BSPH1: variants seen among roughly 807,000 people sequenced by gnomAD.
The protein encoded by BSPH1 is binder of sperm protein homolog 1.
BSPH1 carries 21 observed loss-of-function variants against 22.5 expected under a neutral mutation model. The ratio of observed to expected loss-of-function variants is 0.93; its 90% CI spans 0.66 to 1.35. The LOEUF (loss-of-function observed/expected upper bound fraction) is 1.35. Among genes scored for constraint, BSPH1 ranks in the 40% most tolerant of loss-of-function variants. BSPH1 has a pLI of 0.00. For synonymous variants in BSPH1, 42 were observed against 53.6 expected (o/e 0.78, Z 0.95); for missense variants, 141 against 154.2 (o/e 0.91, Z 0.45).
chr19:47,971,355 G>A (rs774609894), intron 5 of BSPH1, among the ~76,000 whole-genome samples: 8 of 152,258 alleles, frequency 5.3e-5, no homozygotes, highest in Non-Finnish European at 1.0e-4. Context: ...ACAGGCGCAT[G>A]CCACCAAGCC....
At chr19:47,987,794 C>G (rs1600093183) in intron 1 of BSPH1, among the ~76,000 whole-genome samples, 1 of 152,028 alleles carries the variant, frequency 6.6e-6, no homozygotes, top group African/African-American at 2.4e-5. Context: ...GAGTTTGAGA[C>G]CTGCCTGGGC....
Position 47,976,613 on chromosome 19 carries a change from C to G in BSPH1, c.*2+97G>C. ...AAAAAAAAACAAAAAAAAACCCTCTCTAATGAGAAAGGGTTCTCCTCTGCC... is the reference window on the plus strand; with the variant it reads ...AAAAAAAAACAAAAAAAAACCCTCTGTAATGAGAAAGGGTTCTCCTCTGCC... On this transcript the variant is annotated intron_variant, in intron 5 of 5. Coordinates refer to ENST00000344839, the MANE Select transcript of BSPH1 (RefSeq NM_001128326.2). The G allele has an allele frequency of 7.9e-6, 5 of 630,856 alleles. No homozygotes were observed. The East Asian group carries it at 1.4e-4, about 18-fold the overall frequency. The allele number at this position is 630,856 out of a possible 1,614,324, so 39.1% of individuals were successfully genotyped here.
intron 3 of BSPH1, among the ~76,000 whole-genome samples, chr19:47,978,683 C>T (rs1211854553): frequency 1.3e-5 from 2 of 152,194 alleles, no homozygotes; most frequent in Non-Finnish European, 2.9e-5. Context: ...CCTGAATTTT[C>T]ATTAGCACGA....
chr19:47,974,757 T>G (rs1969345751), intron 5 of BSPH1, among the ~76,000 whole-genome samples: 1 of 145,948 alleles, frequency 6.9e-6, no homozygotes. Context: ...CACTATTATC[T>G]ATAGTTTCCA....
At chr19:47,975,565 C>T (rs768740197) in intron 5 of BSPH1, among the ~76,000 whole-genome samples, 15 of 152,092 alleles carry the variant, frequency 9.9e-5, no homozygotes, top group Non-Finnish European at 1.9e-4. Flanking sequence ...GGTACTTTAT[C>T]TCCACACCTG....
chr19:47,976,938 C>T, intron 4 of BSPH1, 84 bp from the exon 5 acceptor site: 3 of 1,251,120 alleles, frequency 2.4e-6, no homozygotes, highest in Non-Finnish European at 3.3e-6. Context: ...CACACATGCA[C>T]ACATATGCAC....
chr19:47,981,067 A>T (rs981405105), intron 1 of BSPH1, 126 bp from the exon 2 acceptor site: 5 of 504,960 alleles, frequency 9.9e-6, no homozygotes, highest in Middle Eastern at 3.8e-4. Flanking sequence ...AGTTCAATAG[A>T]GCTTATTTTT....
intron 1 of BSPH1, among the ~76,000 whole-genome samples, chr19:47,987,621 A>C (rs1172611477): frequency 1.3e-5 from 2 of 152,112 alleles, no homozygotes; most frequent in Non-Finnish European, 2.9e-5. Context: ...TCCTGGGCTC[A>C]AGCAATCCTC....
intron 5 of BSPH1, among the ~76,000 whole-genome samples, chr19:47,971,997 T>A (rs1271714326): frequency 1.2e-5 from 1 of 83,726 alleles, no homozygotes; most frequent in East Asian, 3.1e-4. Flanking sequence ...TCATAGTCTT[T>A]GAAGAAAAAG....
chr19:47,969,455 G>C (rs1007037873), intron 5 of BSPH1, among the ~76,000 whole-genome samples: 1 of 152,144 alleles, frequency 6.6e-6, no homozygotes, highest in Non-Finnish European at 1.5e-5. Context: ...GTGTGTCAAT[G>C]ATGTATGGGG....
chr19:47,978,001 G>GATATATATATATAT (rs10609973), intron 3 of BSPH1, among the ~76,000 whole-genome samples: 2,642 of 109,888 alleles, frequency 0.024, 49 homozygotes, highest in African/African-American at 0.03. Flanking sequence ...GTTAATACAG[G>GATATATATATATAT]ATATATATAT....
In BSPH1 at chr19:47,972,125, C is replaced by T. The variant is rs973949492; in HGVS notation, c.*3-3916G>A. On this transcript the variant is annotated intron_variant, in intron 5 of 5. Coordinates refer to ENST00000344839, the MANE Select transcript of BSPH1 (RefSeq NM_001128326.2). ...CTCTATTAAATCGGAAGATAATTGGCACTTTCCTCGTCTTCAACATGTGTA... is the reference window on the plus strand; with the variant it reads ...CTCTATTAAATCGGAAGATAATTGGTACTTTCCTCGTCTTCAACATGTGTA... Among the ~76,000 whole-genome samples the T allele has an allele frequency of 5.9e-5, 9 of 152,258 alleles. No individual in the cohort carries two copies. The South Asian group carries it at 1.9e-3, about 32-fold the overall frequency.
At chr19:47,980,113 T>C (rs914759572) in intron 2 of BSPH1, among the ~76,000 whole-genome samples, 1 of 152,148 alleles carries the variant, frequency 6.6e-6, no homozygotes, top group Non-Finnish European at 1.5e-5. Flanking sequence ...TAAAATAGTG[T>C]TAATGTAACA....
intron 5 of BSPH1, among the ~76,000 whole-genome samples, chr19:47,973,981 C>T (rs934559849): frequency 6.6e-6 from 1 of 152,206 alleles, no homozygotes; most frequent in Non-Finnish European, 1.5e-5. Context: ...CCAAACATCG[C>T]CCTTCTCAGT....
intron 1 of BSPH1, among the ~76,000 whole-genome samples, chr19:47,984,756 G>A (rs1474665637): frequency 6.6e-6 from 1 of 152,068 alleles, no homozygotes; most frequent in Admixed American, 6.6e-5. Context: ...AAAGTGGGGA[G>A]GTAAGGAGGG....
chr19:47,982,252 G>A (rs1025851299), intron 1 of BSPH1, among the ~76,000 whole-genome samples: 1 of 152,160 alleles, frequency 6.6e-6, no homozygotes, highest in African/African-American at 2.4e-5. Context: ...CATATTCTGT[G>A]TTCATAACTA....
intron 5 of BSPH1, among the ~76,000 whole-genome samples, chr19:47,969,003 T>TAAAAAAAAAAAAAAAAA (rs34349485): frequency 7.8e-6 from 1 of 127,726 alleles, no homozygotes. Context: ...TATCTCAGAT[T>TAAAAAAAAAAAAAAAAA]AAAAAAAAAA....
intron 5 of BSPH1, among the ~76,000 whole-genome samples, chr19:47,974,985 T>G (rs1025980366): frequency 2.6e-5 from 4 of 151,866 alleles, no homozygotes; most frequent in Admixed American, 2.0e-4. Context: ...AAAATACAAT[T>G]AAAAAAAACT....
At chr19:47,977,652 C>T in intron 3 of BSPH1, 148 bp from the exon 4 acceptor site, 2 of 1,410,442 alleles carry the variant, frequency 1.4e-6, no homozygotes, top group East Asian at 2.7e-5. Flanking sequence ...AATAGCAGAG[C>T]TTTGGCTCTC....
Sources: gnomAD v4.1 joint callset for allele counts (sites outside exome capture counted in the v4.1 genomes callset) on GRCh38, gnomAD v4.1.1 for gene constraint, MANE v1.5 for transcripts, NCBI Gene and HGNC (gene_info 2026-07-23, HGNC 2026-07-21) for gene names.